The following ANGPT1 variants were observed in gnomAD, a reference collection of about 807,000 sequenced individuals.
The protein encoded by ANGPT1 is angiopoietin-1.
A neutral mutation model predicts 62.2 loss-of-function variants in ANGPT1; 17 were observed. That is an observed-to-expected ratio of 0.27 (90% CI 0.19 to 0.41). ANGPT1 has a LOEUF of 0.41. Ranked by LOEUF, ANGPT1 falls within the 10% of genes least tolerant of loss-of-function variation. The pLI, the probability that ANGPT1 is intolerant of heterozygous loss-of-function variation, is 1.00. For synonymous variants in ANGPT1, 199 were observed against 198.9 expected (o/e 1.00, Z 0.00); for missense variants, 478 against 594.9 (o/e 0.80, Z 2.04).
At chr8:107,388,380 G>A (rs992821775) in intron 1 of ANGPT1, among the ~76,000 whole-genome samples, 9 of 151,712 alleles carry the variant, frequency 5.9e-5, no homozygotes, top group Non-Finnish European at 1.2e-4. Flanking sequence ...GCACCACTGC[G>A]CTCCAGTTTA....
At chr8:107,441,126 G>T (rs1811463962) in intron 1 of ANGPT1, among the ~76,000 whole-genome samples, 1 of 152,120 alleles carries the variant, frequency 6.6e-6, no homozygotes, top group Non-Finnish European at 1.5e-5. Flanking sequence ...TATGAGTTTT[G>T]GCTTTGATTT....
chr8:107,311,793 G>A (rs923383042), intron 4 of ANGPT1, among the ~76,000 whole-genome samples: 6 of 152,142 alleles, frequency 3.9e-5, no homozygotes, highest in South Asian at 2.1e-4. Flanking sequence ...AGCTGGGTGC[G>A]GTGGCTCACG....
intron 1 of ANGPT1, among the ~76,000 whole-genome samples, chr8:107,362,783 C>A (rs530727065): frequency 1.3e-5 from 2 of 152,194 alleles, no homozygotes; most frequent in African/African-American, 4.8e-5. Context: ...TAATTCTCAC[C>A]ATTTTTTTTC....
chr8:107,407,772 C>T (rs1817179134), intron 1 of ANGPT1, among the ~76,000 whole-genome samples: 1 of 152,156 alleles, frequency 6.6e-6, no homozygotes. Flanking sequence ...CTTGGCACTT[C>T]TACGAGAGGC....
At chr8:107,353,744 C>T (rs1174015849) in intron 1 of ANGPT1, among the ~76,000 whole-genome samples, 1 of 152,164 alleles carries the variant, frequency 6.6e-6, no homozygotes, top group African/African-American at 2.4e-5. Flanking sequence ...GTGCTGTGTA[C>T]TAAGCCTGGT....
intron 1 of ANGPT1, among the ~76,000 whole-genome samples, chr8:107,370,830 A>C (rs1286035955): frequency 6.6e-6 from 1 of 152,072 alleles, no homozygotes; most frequent in Admixed American, 6.6e-5. Context: ...ACCATAACAG[A>C]TAAAATGATA....
chr8:107,392,872 C>A (rs1222040294), intron 1 of ANGPT1, among the ~76,000 whole-genome samples: 1 of 152,158 alleles, frequency 6.6e-6, no homozygotes, highest in Non-Finnish European at 1.5e-5. Flanking sequence ...AATTGAAACG[C>A]CACCTTTGCC....
chr8:107,357,027 T>C (rs1180609344), intron 1 of ANGPT1, among the ~76,000 whole-genome samples: 2 of 152,216 alleles, frequency 1.3e-5, no homozygotes, highest in African/African-American at 4.8e-5. Context: ...ACACATATAT[T>C]TCCCTATTCC....
chr8:107,435,060 G>A (rs1162121750), intron 1 of ANGPT1, among the ~76,000 whole-genome samples: 1 of 152,042 alleles, frequency 6.6e-6, no homozygotes, highest in African/African-American at 2.4e-5. Flanking sequence ...CCCTCATGAT[G>A]GGGGTGGATA....
chr8:107,375,320 T>A (rs1816508865), intron 1 of ANGPT1, among the ~76,000 whole-genome samples: 1 of 152,148 alleles, frequency 6.6e-6, no homozygotes, highest in Non-Finnish European at 1.5e-5. Context: ...AAAAAAGAAA[T>A]GCTTAAATCC....
At chr8:107,350,583 A>G (rs767129896) in intron 1 of ANGPT1, among the ~76,000 whole-genome samples, 38 of 152,108 alleles carry the variant, frequency 2.5e-4, no homozygotes, top group Non-Finnish European at 4.3e-4. Flanking sequence ...CATTCATCAC[A>G]ACCATAAAGT....
rs550854658 is a variant in ANGPT1, at chr8:107,280,761, T to C, written c.1205+3921A>G. On this transcript the variant is annotated intron_variant, in intron 7 of 8. Coordinates refer to ENST00000517746, the MANE Select transcript of ANGPT1 (RefSeq NM_001146.5). ...GCCAGGTCACGAAGAGTCTTAGTGG[T>C]AGACTTTTACCTGCAGATATTTGAA... 9.9e-5 allele frequency among the ~76,000 whole-genome samples: 15 copies of C among 152,260 alleles called. No individual in the cohort carries two copies. In the South Asian group the frequency reaches 1.9e-3, roughly 19 times the overall value.
chr8:107,293,255 A>T (rs1323706411), intron 6 of ANGPT1, among the ~76,000 whole-genome samples: 1 of 151,982 alleles, frequency 6.6e-6, no homozygotes, highest in East Asian at 1.9e-4. Flanking sequence ...GTTATTTTGC[A>T]GACCCCAGTG....
Position 107,251,840 on chromosome 8 carries a change from T to C in ANGPT1, c.*15A>G, listed in dbSNP as rs1264381232. On this transcript the variant is annotated 3_prime_UTR_variant, in exon 9 of 9. Coordinates refer to ENST00000517746, the MANE Select transcript of ANGPT1 (RefSeq NM_001146.5). The stretch of plus-strand genomic sequence containing the variant: ...TTTCTTTGTTGCTTTCATAATCGCT[T>C]CTGACATTGCGCTTTCAAAAATCTA... The C allele has an allele frequency of 6.2e-6, 10 of 1,613,476 alleles. No individual in the cohort carries two copies. Among genetic ancestry groups the C allele is most frequent in the Non-Finnish European group, 8.5e-6 (10 of 1,179,660 alleles).
intron 5 of ANGPT1, among the ~76,000 whole-genome samples, chr8:107,299,929 T>C (rs1814535048): frequency 7.5e-6 from 1 of 133,498 alleles, no homozygotes; most frequent in Admixed American, 7.7e-5. Context: ...TATATCTAGA[T>C]ATGTAGTTAT....
intron 1 of ANGPT1, among the ~76,000 whole-genome samples, chr8:107,384,123 G>A (rs956794786): frequency 3.3e-5 from 5 of 152,072 alleles, no homozygotes; most frequent in Non-Finnish European, 7.4e-5. Context: ...TGGAGTCTAA[G>A]GTCCAGGATT....
rs1371396961 is a variant in ANGPT1 at position 107,257,876 on chromosome 8, G to GTTTTTT, written c.1337-5862_1337-5861insAAAAAA. Among the ~76,000 whole-genome samples, 346 of 85,168 alleles carry GTTTTTT rather than the reference G, an allele frequency of 4.1e-3. 46 individuals carry two copies. The highest frequency in any genetic ancestry group is 5.2e-3 in the East Asian group (15 of 2,884). 55.9% of individuals were successfully genotyped at this position (85,168 alleles called of 152,430 possible). A position where few individuals can be genotyped will look rare whatever the true frequency, so the allele number is the denominator to read the frequency against. On this transcript the variant is annotated intron_variant, in intron 8 of 8. Coordinates refer to ENST00000517746, the MANE Select transcript of ANGPT1 (RefSeq NM_001146.5). ...CTCTTCAGGCCAAGGACTTGTTTTT[G>GTTTTTT]TTTCTTTTTTGTTTGTTTGTTTGTT...
At chr8:107,321,137 G>A (rs151121257) in intron 4 of ANGPT1, among the ~76,000 whole-genome samples, 75 of 152,108 alleles carry the variant, frequency 4.9e-4, no homozygotes, top group African/African-American at 1.8e-3. Context: ...GGAAACAGGT[G>A]CAAGCAGAGG....
chr8:107,322,203 C>A (rs1280083635), intron 3 of ANGPT1, 75 bp from the exon 4 acceptor site: 2 of 1,063,098 alleles, frequency 1.9e-6, no homozygotes, highest in Non-Finnish European at 2.7e-6. Flanking sequence ...CAATTGGTTC[C>A]TGAATTTATT....
Sources: allele counts gnomAD v4.1 joint callset (sites outside exome capture counted in the v4.1 genomes callset), GRCh38; gene constraint gnomAD v4.1.1; transcripts MANE v1.5; gene names NCBI Gene and HGNC (gene_info 2026-07-23, HGNC 2026-07-21).